The following CACNA2D3 variants were observed in gnomAD, a reference collection of about 807,000 sequenced individuals.
The protein encoded by CACNA2D3 is voltage-dependent calcium channel subunit alpha-2/delta-3.
A neutral mutation model predicts 160.6 loss-of-function variants in CACNA2D3; 60 were observed. The ratio of observed to expected loss-of-function variants is 0.37; its 90% CI spans 0.30 to 0.46. The LOEUF is 0.46. Among genes scored for constraint, CACNA2D3 ranks in the 20% least tolerant of loss-of-function variants. CACNA2D3 has a pLI of 1.00. For missense variants in CACNA2D3, 1,205 were observed against 1,365.0 expected, an observed-to-expected ratio of 0.88 and a Z score of 1.85; for synonymous variants, 558 against 492.9, an observed-to-expected ratio of 1.13 and a Z score of -1.75.
chr3:54,404,667 G>T (rs547829979), intron 4 of CACNA2D3, among the ~76,000 whole-genome samples: 1 of 152,154 alleles, frequency 6.6e-6, no homozygotes, highest in Admixed American at 6.5e-5. Flanking sequence ...AAAGCTTTCA[G>T]ATGGGAACAA....
At chr3:54,486,009 A>G (rs1343820211) in intron 4 of CACNA2D3, among the ~76,000 whole-genome samples, 1 of 152,190 alleles carries the variant, frequency 6.6e-6, no homozygotes, top group Non-Finnish European at 1.5e-5. Flanking sequence ...AGATTTGGGA[A>G]TTGCACGAAA....
intron 3 of CACNA2D3, among the ~76,000 whole-genome samples, chr3:54,352,929 A>AC (rs1291489058): frequency 5.3e-5 from 8 of 152,214 alleles, no homozygotes; most frequent in Admixed American, 1.3e-4. Context: ...ATGTTTCCAT[A>AC]CAGGCGTGCA....
intron 2 of CACNA2D3, among the ~76,000 whole-genome samples, chr3:54,205,628 A>G (rs1701262991): frequency 6.6e-6 from 1 of 152,194 alleles, no homozygotes; most frequent in African/African-American, 2.4e-5. Context: ...TCACTTGATA[A>G]TGCCTATAAT....
chr3:54,922,978 A>G (rs542206671), intron 27 of CACNA2D3, among the ~76,000 whole-genome samples: 16 of 152,266 alleles, frequency 1.1e-4, no homozygotes, highest in African/African-American at 3.6e-4. Flanking sequence ...CAGTATTCCA[A>G]GTATCTCCCA....
At chr3:54,541,762 A>G (rs889916251) in intron 5 of CACNA2D3, among the ~76,000 whole-genome samples, 12 of 152,224 alleles carry the variant, frequency 7.9e-5, no homozygotes, top group African/African-American at 2.9e-4. Flanking sequence ...ATTAGAGACT[A>G]GAGAGGCAGG....
chr3:54,518,169 CTG>C (rs1222989460), intron 5 of CACNA2D3, among the ~76,000 whole-genome samples: 1 of 152,170 alleles, frequency 6.6e-6, no homozygotes, highest in African/African-American at 2.4e-5. Context: ...GAGACTAACA[CTG>C]TGTGTCAGCG....
At chr3:54,959,941 T>C (rs1426199711) in intron 27 of CACNA2D3, among the ~76,000 whole-genome samples, 1 of 152,164 alleles carries the variant, frequency 6.6e-6, no homozygotes, top group African/African-American at 2.4e-5. Context: ...AAAATTATTA[T>C]TCCATTCCAC....
chr3:54,711,775 C>G (rs987225524), intron 11 of CACNA2D3, among the ~76,000 whole-genome samples: 7 of 152,152 alleles, frequency 4.6e-5, no homozygotes, highest in African/African-American at 1.4e-4. Context: ...CAGTACCTGC[C>G]CTTCCTCATC....
chr3:54,218,817 C>T (rs1383149094), intron 2 of CACNA2D3, among the ~76,000 whole-genome samples: 1 of 152,148 alleles, frequency 6.6e-6, no homozygotes, highest in Non-Finnish European at 1.5e-5. Context: ...CTGTCCTTGG[C>T]TTGTGGTCTC....
chr3:54,840,412 T>A (rs1322338745), intron 16 of CACNA2D3, among the ~76,000 whole-genome samples: 1 of 138,754 alleles, frequency 7.2e-6, no homozygotes, highest in East Asian at 2.1e-4. Context: ...TCTTTTTTTT[T>A]TTTTTTTTTT....
chr3:54,716,413 G>A (rs1425357705), intron 11 of CACNA2D3, among the ~76,000 whole-genome samples: 2 of 152,194 alleles, frequency 1.3e-5, no homozygotes, highest in African/African-American at 4.8e-5. Flanking sequence ...ATGAAAAAAA[G>A]AGGGAAGATG....
chr3:54,819,039 C>T (rs1703525880), intron 14 of CACNA2D3, among the ~76,000 whole-genome samples: 1 of 152,062 alleles, frequency 6.6e-6, no homozygotes, highest in Non-Finnish European at 1.5e-5. Context: ...ATTAGCATCC[C>T]TGCCCCCAAC....
rs146974154 is a variant in CACNA2D3, at chr3:54,135,270, T to C, written c.204+11676T>C. On this transcript the variant is annotated intron_variant, in intron 2 of 37. Coordinates refer to ENST00000474759, the MANE Select transcript of CACNA2D3 (RefSeq NM_018398.3). ...ACTGGGAGCTGCATCATCTTACCTC[T>C]GCAACATACCTGCAGCATCCACAGA... 8.0e-3 allele frequency among the ~76,000 whole-genome samples: 1,222 copies of C among 152,302 alleles called. 15 individuals are homozygous for C. The highest frequency in any genetic ancestry group is 0.028 in the African/African-American group (1,147 of 41,560).
intron 35 of CACNA2D3, among the ~76,000 whole-genome samples, chr3:55,038,701 C>G (rs1353998405): frequency 6.6e-6 from 1 of 151,674 alleles, no homozygotes; most frequent in Admixed American, 6.6e-5. Context: ...CACTTATCAA[C>G]AAAACAGGTA....
At chr3:55,071,459 T>C (rs1704805329) in intron 35 of CACNA2D3, among the ~76,000 whole-genome samples, 1 of 152,220 alleles carries the variant, frequency 6.6e-6, no homozygotes, top group Non-Finnish European at 1.5e-5. Context: ...TATTCCTAAT[T>C]TGAAAATATA....
At position 54,190,519 on chromosome 3, in the gene CACNA2D3, A is replaced by G. The variant is rs568485862; in HGVS notation, c.204+66925A>G. On this transcript the variant is annotated intron_variant, in intron 2 of 37. Transcript: ENST00000474759. ...CAAATTGAGAGTTTTAAAACCTTAC[A>G]TCATTGTACGTTTGATTTTTAGCCC... 1.3e-3 allele frequency among the ~76,000 whole-genome samples: 191 copies of G among 152,292 alleles called. 1 individual carries two copies. The highest frequency in any genetic ancestry group is 4.5e-3 in the African/African-American group (186 of 41,564).
At chr3:54,482,119 T>C (rs1040043946) in intron 4 of CACNA2D3, among the ~76,000 whole-genome samples, 17 of 152,220 alleles carry the variant, frequency 1.1e-4, no homozygotes, top group African/African-American at 3.9e-4. Flanking sequence ...AGTGTTTCTT[T>C]CCATAATAAT....
At chr3:54,871,750 A>C (rs947186496) in intron 18 of CACNA2D3, 128 bp downstream of exon 18, 8 of 680,512 alleles carry the variant, frequency 1.2e-5, no homozygotes, top group Non-Finnish European at 2.1e-5. Context: ...AGGGACGTGG[A>C]GACAAGGGGC....
chr3:54,822,746 CT>C (rs1227797716), intron 14 of CACNA2D3, among the ~76,000 whole-genome samples: 24 of 64,140 alleles, frequency 3.7e-4, no homozygotes, highest in African/African-American at 1.6e-3. Context: ...TTCTTTCTTT[CT>C]TTCTTTCTTT....
Sources: allele counts gnomAD v4.1 joint callset (sites outside exome capture counted in the v4.1 genomes callset), GRCh38; gene constraint gnomAD v4.1.1; transcripts MANE v1.5; gene names NCBI Gene and HGNC (gene_info 2026-07-23, HGNC 2026-07-21).